Variants in SANBR observed in about 807,000 individuals in gnomAD.
SANBR encodes the protein SANT and BTB domain regulator of class switch recombination.
In SANBR, 77 loss-of-function variants were observed where a neutral mutation model predicts 101.8. That is an observed-to-expected ratio of 0.76 (90% confidence interval 0.63 to 0.91). The LOEUF (loss-of-function observed/expected upper bound fraction) is 0.91, where lower values mean the gene tolerates loss of function less well. Among genes scored for constraint, SANBR ranks in the 40% least tolerant of loss-of-function variants. SANBR has a pLI of 0.00. For missense variants in SANBR, 875 were observed against 853.0 expected (o/e 1.03, Z -0.32); for synonymous variants, 279 against 274.7 (o/e 1.02, Z -0.15).
intron 20 of SANBR, among the ~76,000 whole-genome samples, chr2:61,118,807 G>C (rs1448768308): frequency 6.6e-6 from 1 of 151,708 alleles, no homozygotes; most frequent in African/African-American, 2.4e-5. Flanking sequence ...TGATCTGCCC[G>C]CCTCAGCCTC....
intron 21 of SANBR, chr2:61,121,553 G>A (rs140470425): frequency 3.5e-4 from 89 of 257,534 alleles, no homozygotes; most frequent in African/African-American, 1.9e-3. Flanking sequence ...TAGTGCTACT[G>A]GAAGTAGCAG....
At chr2:61,081,747 C>T (rs1682142333) in intron 7 of SANBR, among the ~76,000 whole-genome samples, 1 of 152,186 alleles carries the variant, frequency 6.6e-6, no homozygotes, top group South Asian at 2.1e-4. Flanking sequence ...TTCCCCAGCT[C>T]AAGTGATCCT....
rs77813345 is a variant in SANBR, at chr2:61,132,842, G to C, written c.2029-1295G>C. ...ATCAGTCACAAAAAGGATGAACCTT[G>C]TAAATATTTTGCTAAGTGAAAGAAG... On this transcript the variant is annotated intron_variant, in intron 20 of 21. Coordinates refer to the SANBR transcript ENST00000295031. Among the ~76,000 whole-genome samples, 65 of 152,334 alleles carry C rather than the reference G, an allele frequency of 4.3e-4. 2 individuals are homozygous for C. The East Asian group carries it at 0.011, about 27-fold the overall frequency.
chr2:61,123,641 A>C lies in SANBR; in HGVS notation c.*1479A>C. The C allele has an allele frequency of 1.0e-6, 1 of 985,378 alleles. No homozygotes were observed. The highest frequency in any genetic ancestry group is 4.7e-5 in the South Asian group (1 of 21,278). 61.0% of individuals were successfully genotyped at this position (985,378 alleles called of 1,614,324 possible). A position where few individuals can be genotyped will look rare whatever the true frequency, so the allele number is the denominator to read the frequency against. On this transcript the variant is annotated 3_prime_UTR_variant, in exon 22 of 22. Coordinates refer to ENST00000402291, the MANE Select transcript of SANBR (RefSeq NM_001129993.3). Reference sequence around the variant, plus strand: ...TTAAAGGATTTGGATTTGTACATGTAAACAGTGCTGTAATGGTCACGACTA... The same window carrying C: ...TTAAAGGATTTGGATTTGTACATGTCAACAGTGCTGTAATGGTCACGACTA...
At chr2:61,067,157 A>C (rs1224256284) in intron 1 of SANBR, among the ~76,000 whole-genome samples, 2 of 152,232 alleles carry the variant, frequency 1.3e-5, no homozygotes, top group Non-Finnish European at 2.9e-5. Context: ...ACATTCATTT[A>C]ACTAGAATTA....
At chr2:61,082,530 A>G (rs1275660755) in intron 7 of SANBR, among the ~76,000 whole-genome samples, 2 of 152,168 alleles carry the variant, frequency 1.3e-5, no homozygotes, top group Non-Finnish European at 2.9e-5. Context: ...TTTAATTATA[A>G]GAAGTTACAG....
chr2:61,101,265 G>A (rs967797356), intron 12 of SANBR, among the ~76,000 whole-genome samples: 2 of 152,122 alleles, frequency 1.3e-5, no homozygotes, highest in Non-Finnish European at 2.9e-5. Flanking sequence ...GTTTGTTTCA[G>A]TAACATGATT....
rs1684405630 is a variant in SANBR at position 61,123,287 on chromosome 2, T to A, written c.*1125T>A. 1.0e-6 allele frequency: 1 copy of A among 980,922 alleles called. No homozygotes were observed. The highest frequency in any genetic ancestry group is 1.7e-5 in the African/African-American group (1 of 57,164). The allele number at this position is 980,922 out of a possible 1,614,324, so 60.8% of individuals were successfully genotyped here. A position where few individuals can be genotyped will look rare whatever the true frequency, so the allele number is the denominator to read the frequency against. On this transcript the variant is annotated 3_prime_UTR_variant, in exon 22 of 22. Transcript: ENST00000402291. ...CCTTATAACTGACATTTCTTCAAATTATTCAGAGAACAGACTTTAATAATG... is the reference window on the plus strand; with the variant it reads ...CCTTATAACTGACATTTCTTCAAATAATTCAGAGAACAGACTTTAATAATG...
At chr2:61,072,038 A>G (rs1681501009) in intron 4 of SANBR, among the ~76,000 whole-genome samples, 1 of 152,012 alleles carries the variant, frequency 6.6e-6, no homozygotes, top group African/African-American at 2.4e-5. Flanking sequence ...CCCAGGCTCA[A>G]GAGATCCTCC....
At chr2:61,118,566 G>GT (rs1175530888) in intron 20 of SANBR, among the ~76,000 whole-genome samples, 5,190 of 99,538 alleles carry the variant, frequency 0.052, 613 homozygotes, top group African/African-American at 0.18. Flanking sequence ...TTTTTTGTTG[G>GT]TTTTTTTTTT....
rs1388498401 is a variant in SANBR, at chr2:61,117,484, A to G, written c.1883A>G (p.Asn628Ser). ...TTCAATAGTATGAGTATGCAGAAGAATAAGTGGGATGCCACAAGATCCTTG... is the reference window on the plus strand; with the variant it reads ...TTCAATAGTATGAGTATGCAGAAGAGTAAGTGGGATGCCACAAGATCCTTG... ...VSPFVMSMQK[N>S]KWDATRSLRF... is the part of the protein sequence containing the mutation. The change falls in exon 19 of 22, where the codon AAT becomes AGT. Residue 628 changes from asparagine (N) to serine (S), a missense_variant. Asn to Ser is a conservative substitution (Grantham distance 46). Transcript: ENST00000402291. The G allele has an allele frequency of 7.4e-6, 12 of 1,613,814 alleles. No individual in the cohort carries two copies. The highest frequency in any genetic ancestry group is 2.2e-5 in the East Asian group (1 of 44,850).
Position 61,097,807 on chromosome 2 carries a change from C to T in SANBR, c.1320C>T (p.Cys440=). The change falls in exon 12 of 22, where the codon TGC becomes TGT. Residue 440 remains cysteine, a synonymous_variant. Transcript: ENST00000402291. ...CTGTTGGCACTGGAATTTATCCCTG[C>T]TGTAACCAAAAGGTTCTTCGGTTTG... ...LNTVGTGIYP[C]CNQKVLRFDP... 1 of 1,613,430 alleles carries T rather than the reference C, an allele frequency of 6.2e-7. No individual in the cohort carries two copies. Among genetic ancestry groups the T allele is most frequent in the Non-Finnish European group, 8.5e-7 (1 of 1,179,596 alleles).
At chr2:61,103,114 T>C (rs1683370829) in intron 12 of SANBR, among the ~76,000 whole-genome samples, 1 of 151,232 alleles carries the variant, frequency 6.6e-6, no homozygotes, top group African/African-American at 2.4e-5. Context: ...CATCATTGAA[T>C]CATAAAAACA....
chr2:61,103,553 A>T (rs1474422350), intron 12 of SANBR, among the ~76,000 whole-genome samples: 1 of 152,274 alleles, frequency 6.6e-6, no homozygotes, highest in East Asian at 1.9e-4. Flanking sequence ...GCCAGGGTAG[A>T]GGTTACCTGT....
At position 61,076,921 on chromosome 2, in the gene SANBR, C is replaced by G; in HGVS notation, c.433C>G (p.Pro145Ala). 1 of 1,601,732 alleles carries G rather than the reference C, an allele frequency of 6.2e-7. No individual in the cohort carries two copies. Among genetic ancestry groups the G allele is most frequent in the South Asian group, 1.1e-5 (1 of 90,184 alleles). The change falls in exon 6 of 22, where the codon CCA becomes GCA. Residue 145 changes from proline to alanine, a missense_variant and splice_region_variant. Transcript: ENST00000402291. ...GGEMTEESEGPNMVIHVCDEA... is the reference protein window; with the variant it reads ...GGEMTEESEGANMVIHVCDEA... ...TTTTTGTGTAACATTTTTATGAAGG[C>G]CAAACATGGTGATCCATGTGTGTGA...
intron 20 of SANBR, among the ~76,000 whole-genome samples, chr2:61,133,849 G>T (rs899615204): frequency 6.6e-6 from 1 of 152,162 alleles, no homozygotes; most frequent in Non-Finnish European, 1.5e-5. Context: ...TGATGAAAAT[G>T]TTCAAAACTG....
intron 10 of SANBR, among the ~76,000 whole-genome samples, chr2:61,091,040 G>A (rs918043273): frequency 6.6e-6 from 1 of 151,304 alleles, no homozygotes; most frequent in African/African-American, 2.4e-5. Flanking sequence ...TCAGCCTCCC[G>A]AGTAAGCCTC....
intron 9 of SANBR, 26 bp from the exon 10 acceptor site, chr2:61,088,332 G>GT (rs1241285356): frequency 1.9e-6 from 3 of 1,570,312 alleles, no homozygotes; most frequent in Admixed American, 2.0e-5. Context: ...CTTCCTGGAT[G>GT]TTTTTTGTAT....
In SANBR at chr2:61,122,283, C is replaced by T. The variant is rs530590007; in HGVS notation, c.*121C>T. On this transcript the variant is annotated 3_prime_UTR_variant, in exon 22 of 22. Transcript: ENST00000402291. ...TGTTTTATGTTATTATTATTTTAAT[C>T]CACATAAATCATAATTCTAAAAGAA... The T allele has an allele frequency of 8.2e-5, 108 of 1,316,848 alleles. No homozygotes were observed. The African/African-American group carries it at 1.4e-3, about 17-fold the overall frequency. The allele number at this position is 1,316,848 out of a possible 1,614,324, so 81.6% of individuals were successfully genotyped here. A position where few individuals can be genotyped will look rare whatever the true frequency, so the allele number is the denominator to read the frequency against.
Sources: allele counts gnomAD v4.1 joint callset (sites outside exome capture counted in the v4.1 genomes callset), GRCh38; gene constraint gnomAD v4.1.1; transcripts MANE v1.5; gene names NCBI Gene and HGNC (gene_info 2026-07-23, HGNC 2026-07-21).